Variants in SCAMP1 observed in about 807,000 individuals in gnomAD.
SCAMP1 encodes secretory carrier-associated membrane protein 1.
Under a neutral mutation model 41.8 loss-of-function variants are expected in SCAMP1, and 15 were observed. That is an observed-to-expected ratio of 0.36 (90% CI 0.24 to 0.55). SCAMP1 has a LOEUF of 0.55. SCAMP1 is among the 20% of genes least tolerant of loss of function. The pLI is 0.86. For missense variants in SCAMP1, 341 were observed against 412.6 expected, an observed-to-expected ratio of 0.83 and a Z score of 1.50; for synonymous variants, 135 against 136.8, an observed-to-expected ratio of 0.99 and a Z score of 0.09.
rs780757569 is a variant in SCAMP1 at position 78,459,294 on chromosome 5, A to C, written c.784A>C (p.Ile262Leu). 2.5e-6 allele frequency: 4 copies of C among 1,608,830 alleles called. No homozygotes were observed. The highest frequency in any genetic ancestry group is 3.4e-6 in the Non-Finnish European group (4 of 1,175,742). The change falls in exon 8 of 9, where the codon ATC (isoleucine) becomes CTC (leucine). Residue 262 changes from isoleucine (I) to leucine (L), a missense_variant. Coordinates refer to ENST00000621999, the MANE Select transcript of SCAMP1 (RefSeq NM_004866.6). ...TCTCAACCAAAATATTCCTGTTGGA[A>C]TCATGATGATAATCATAGCAGCACT... is the stretch of plus-strand genomic sequence containing the variant. The part of the protein sequence containing the change: ...TGLNQNIPVG[I>L]MMIIIAALFT...
rs560017953 is a variant in SCAMP1 at position 78,413,568 on chromosome 5, C to T, written c.136-1952C>T. 3.9e-5 allele frequency among the ~76,000 whole-genome samples: 6 copies of T among 152,170 alleles called. No individual in the cohort carries two copies. The East Asian group carries it at 1.2e-3, about 29-fold the overall frequency. Reference sequence around the variant, plus strand: ...CAGTAGCTGGGACTACAGGTGCACACCACCATGCCTGTCTAATTTTTTGTA... The same window carrying T: ...CAGTAGCTGGGACTACAGGTGCACATCACCATGCCTGTCTAATTTTTTGTA... On this transcript the variant is annotated intron_variant, in intron 2 of 8. Coordinates refer to ENST00000621999, the MANE Select transcript of SCAMP1 (RefSeq NM_004866.6).
At chr5:78,426,851 A>G (rs1752482172) in intron 6 of SCAMP1, among the ~76,000 whole-genome samples, 1 of 152,226 alleles carries the variant, frequency 6.6e-6, no homozygotes, top group South Asian at 2.1e-4. Flanking sequence ...TTTACTTAGA[A>G]TAACGTTTTT....
chr5:78,434,935 C>G (rs969152131), intron 6 of SCAMP1, among the ~76,000 whole-genome samples: 6 of 152,200 alleles, frequency 3.9e-5, no homozygotes, highest in Non-Finnish European at 7.4e-5. Flanking sequence ...TGTGTGTATT[C>G]TATTAGCTGG....
chr5:78,469,938 A>AAAAAAAAAAAGC, intron 8 of SCAMP1, among the ~76,000 whole-genome samples: 1 of 84,198 alleles, frequency 1.2e-5, no homozygotes, highest in Non-Finnish European at 2.3e-5. Context: ...AAAAACAACA[A>AAAAAAAAAAAGC]CACAGCCCAG....
intron 1 of SCAMP1, chr5:78,360,959 A>G: frequency 1.9e-6 from 1 of 522,020 alleles, no homozygotes; most frequent in Non-Finnish European, 3.4e-6. Context: ...GCCCTTCCAC[A>G]CGTCCCCGAC....
At chr5:78,463,632 A>G (rs1753669784) in intron 8 of SCAMP1, among the ~76,000 whole-genome samples, 1 of 152,224 alleles carries the variant, frequency 6.6e-6, no homozygotes, top group Non-Finnish European at 1.5e-5. Context: ...TTAAGACCAC[A>G]TATTGTATAG....
Position 78,373,659 on chromosome 5 carries a change from T to TTCAG in SCAMP1, c.57+12936_57+12939dup, listed in dbSNP as rs1467045808. 2.0e-5 allele frequency among the ~76,000 whole-genome samples: 3 copies of TTCAG among 152,160 alleles called. No homozygotes were observed. In the South Asian group the frequency reaches 6.2e-4, roughly 31 times the overall value. On this transcript the variant is annotated intron_variant, in intron 1 of 8. Coordinates refer to ENST00000621999, the MANE Select transcript of SCAMP1 (RefSeq NM_004866.6). The stretch of plus-strand genomic sequence containing the variant: ...GCATATTATCTTTTTTTGACTATAG[T>TTCAG]TCAGTCAGAACATGTTTTCATGTAG...
At chr5:78,406,873 G>A (rs1361655025) in intron 2 of SCAMP1, among the ~76,000 whole-genome samples, 1 of 152,044 alleles carries the variant, frequency 6.6e-6, no homozygotes, top group Non-Finnish European at 1.5e-5. Flanking sequence ...TTCTGCCTCC[G>A]GGGTCAGTTC....
intron 8 of SCAMP1, among the ~76,000 whole-genome samples, chr5:78,473,679 C>T (rs1175373668): frequency 1.3e-5 from 2 of 152,072 alleles, no homozygotes; most frequent in African/African-American, 4.8e-5. Context: ...TCTTTATGTC[C>T]ATGTATACCC....
chr5:78,390,822 T>C (rs1468433569), intron 2 of SCAMP1, among the ~76,000 whole-genome samples: 9 of 151,200 alleles, frequency 6.0e-5, no homozygotes, highest in East Asian at 1.9e-4. Context: ...TTTGTGTCCC[T>C]GGGTGCTTGA....
chr5:78,369,888 A>G (rs13436862), intron 1 of SCAMP1, among the ~76,000 whole-genome samples: 2,856 of 152,262 alleles, frequency 0.019, 36 homozygotes, highest in Middle Eastern at 0.048. Flanking sequence ...CTAGGGTGTG[A>G]CTTTTGCCAC....
intron 1 of SCAMP1, among the ~76,000 whole-genome samples, chr5:78,375,065 T>G (rs1751032769): frequency 6.6e-6 from 1 of 152,020 alleles, no homozygotes; most frequent in South Asian, 2.1e-4. Flanking sequence ...TTCATATGAT[T>G]ATAGTAACTC....
At position 78,478,583 on chromosome 5, in the gene SCAMP1, A is replaced by G. The variant is rs1201296549; in HGVS notation, c.*2915A>G. On this transcript the variant is annotated 3_prime_UTR_variant, in exon 9 of 9. Transcript: ENST00000621999. ...AAGTTAGATTCAAAATGGAAAACCT[A>G]TTCATGGCTCAGATTTTTCATTGTG... 4 of 152,146 alleles carry G rather than the reference A, an allele frequency of 2.6e-5. No individual in the cohort carries two copies. The highest frequency in any genetic ancestry group is 5.9e-5 in the Non-Finnish European group (4 of 67,984). 9.4% of individuals were successfully genotyped at this position (152,146 alleles called of 1,614,324 possible).
intron 6 of SCAMP1, among the ~76,000 whole-genome samples, chr5:78,439,731 C>T (rs1752868616): frequency 6.6e-6 from 1 of 152,030 alleles, no homozygotes; most frequent in Non-Finnish European, 1.5e-5. Flanking sequence ...GTGTGGCGTT[C>T]TCTGTATTTC....
intron 7 of SCAMP1, among the ~76,000 whole-genome samples, chr5:78,457,357 G>A (rs1352647089): frequency 6.6e-6 from 1 of 152,040 alleles, no homozygotes; most frequent in South Asian, 2.1e-4. Flanking sequence ...GTACAGATGG[G>A]TTTTTGGTGT....
rs1332100963 is a variant in SCAMP1, at chr5:78,452,097, G to A, written c.734+2063G>A. Among the ~76,000 whole-genome samples the A allele has an allele frequency of 2.0e-5, 3 of 152,040 alleles. No individual in the cohort carries two copies. In the East Asian group the frequency reaches 5.8e-4, roughly 29 times the overall value. ...CCATGAAATTTGTGAATAGATTTTTGTGTGAACATAATTTTCATTTCTCTG... is the reference window on the plus strand; with the variant it reads ...CCATGAAATTTGTGAATAGATTTTTATGTGAACATAATTTTCATTTCTCTG... On this transcript the variant is annotated intron_variant, in intron 7 of 8. Transcript: ENST00000621999.
chr5:78,415,622 A>G lies in SCAMP1; in HGVS notation c.234+4A>G, dbSNP rs747493634. 2 of 1,530,104 alleles carry G rather than the reference A, an allele frequency of 1.3e-6. No homozygotes were observed. The highest frequency in any genetic ancestry group is 1.8e-6 in the Non-Finnish European group (2 of 1,115,082). The allele number at this position is 1,530,104 out of a possible 1,614,324, so 94.8% of individuals were successfully genotyped here. Reference sequence around the variant, plus strand: ...AGCTTATACACAGATTGCAAAGGTTAGTTCATGTTAGTTGTATAAATTCAT... The same window carrying G: ...AGCTTATACACAGATTGCAAAGGTTGGTTCATGTTAGTTGTATAAATTCAT... On this transcript the variant is annotated splice_donor_region_variant and intron_variant, in intron 3 of 8. Transcript: ENST00000621999.
chr5:78,405,154 A>G (rs1470526190), intron 2 of SCAMP1, among the ~76,000 whole-genome samples: 6 of 152,218 alleles, frequency 3.9e-5, no homozygotes, highest in African/African-American at 1.2e-4. Context: ...TAGTTTGTTC[A>G]TCTTTTCACT....
At chr5:78,367,231 T>A (rs768060138) in intron 1 of SCAMP1, among the ~76,000 whole-genome samples, 1 of 152,230 alleles carries the variant, frequency 6.6e-6, no homozygotes, top group Non-Finnish European at 1.5e-5. Flanking sequence ...ACCATTATCT[T>A]ATTTACCACT....
Sources: allele counts gnomAD v4.1 joint callset (sites outside exome capture counted in the v4.1 genomes callset), GRCh38; gene constraint gnomAD v4.1.1; transcripts MANE v1.5; gene names NCBI Gene and HGNC (gene_info 2026-07-23, HGNC 2026-07-21).